ENAH: variants seen among roughly 807,000 people sequenced by gnomAD.
ENAH encodes ENAH actin regulator.
In ENAH, 23 loss-of-function variants were observed where a neutral mutation model predicts 78.7. The observed-to-expected ratio is 0.29, with a 90% CI of 0.21 to 0.41. The LOEUF is 0.41. Ranked by LOEUF, ENAH falls within the 10% of genes least tolerant of loss-of-function variation. The pLI, the probability that ENAH is intolerant of heterozygous loss-of-function variation, is 1.00. For synonymous variants in ENAH, 226 were observed against 241.0 expected (o/e 0.94, Z 0.58); for missense variants, 544 against 691.0 (o/e 0.79, Z 2.39).
At chr1:225,546,634 C>T (rs954726046) in intron 3 of ENAH, among the ~76,000 whole-genome samples, 4 of 152,236 alleles carry the variant, frequency 2.6e-5, no homozygotes, top group East Asian at 1.9e-4. Context: ...GCTAAGGAAG[C>T]GGCTGAAAAT....
chr1:225,615,283 G>A (rs369864954), intron 1 of ENAH, among the ~76,000 whole-genome samples: 1 of 152,352 alleles, frequency 6.6e-6, no homozygotes, highest in South Asian at 2.1e-4. Context: ...GACCGCGAGT[G>A]ATCTGCCTGC....
At chr1:225,561,110 T>C (rs2096702737) in intron 2 of ENAH, among the ~76,000 whole-genome samples, 1 of 151,776 alleles carries the variant, frequency 6.6e-6, no homozygotes, top group Non-Finnish European at 1.5e-5. Context: ...GGTGCGTGCC[T>C]GTAATCCCTG....
chr1:225,503,266 G>A (rs923977021), intron 11 of ENAH, among the ~76,000 whole-genome samples: 2 of 152,142 alleles, frequency 1.3e-5, no homozygotes, highest in South Asian at 4.1e-4. Flanking sequence ...AAAGCAGCAA[G>A]ATAACTGAGC....
chr1:225,514,433 G>C (rs1292131603), intron 7 of ENAH, among the ~76,000 whole-genome samples, 163 bp downstream of exon 7: 1 of 151,976 alleles, frequency 6.6e-6, no homozygotes, highest in Middle Eastern at 3.2e-3. Context: ...CCAAAGTGCA[G>C]GGATTATACA....
At chr1:225,584,700 TG>T (rs1232260319) in intron 1 of ENAH, among the ~76,000 whole-genome samples, 1 of 151,536 alleles carries the variant, frequency 6.6e-6, no homozygotes, top group African/African-American at 2.4e-5. Context: ...AAATAAACAT[TG>T]GTAAGCAACA....
chr1:225,498,328 A>C lies in ENAH; in HGVS notation c.1675+19T>G. The C allele has an allele frequency of 6.4e-7, 1 of 1,569,548 alleles. No individual in the cohort carries two copies. The highest frequency in any genetic ancestry group is 8.7e-7 in the Non-Finnish European group (1 of 1,149,712). ...TAAACATTGTTTTATAGGAATAGTA[A>C]ATTTGTCCAGACACTTACCATCAAT... On this transcript the variant is annotated intron_variant, in intron 13 of 13. Transcript: ENST00000366843.
rs1366032685 is a variant in ENAH at position 225,567,256 on chromosome 1, T to A, written c.164A>T (p.Asp55Val). 5.6e-6 allele frequency: 9 copies of A among 1,613,598 alleles called. No homozygotes were observed. The highest frequency in any genetic ancestry group is 6.8e-6 in the Non-Finnish European group (8 of 1,179,882). ...ATTGTAGTAAAGCCTTACCTGATGGTCCTGAATCTTCCTGCCCACCACTCT... is the reference window on the plus strand; with the variant it reads ...ATTGTAGTAAAGCCTTACCTGATGGACCTGAATCTTCCTGCCCACCACTCT... ...TFRVVGRKIQ[D>V]HQVVINCAIP... The change falls in exon 2 of 14, where the codon GAC becomes GTC. Residue 55 changes from aspartate to valine, a missense_variant. By Grantham distance (152) the Asp-to-Val change is radical (BLOSUM62 -3). Coordinates refer to ENST00000366843, the MANE Select transcript of ENAH (RefSeq NM_018212.6).
intron 10 of ENAH, among the ~76,000 whole-genome samples, chr1:225,510,079 T>C (rs902255410): frequency 2.6e-5 from 4 of 152,194 alleles, no homozygotes; most frequent in Admixed American, 1.3e-4. Flanking sequence ...AGCTGTACCA[T>C]GAGTTTTTTT....
chr1:225,648,551 A>T (rs1161344116), intron 1 of ENAH, among the ~76,000 whole-genome samples: 1 of 152,200 alleles, frequency 6.6e-6, no homozygotes, highest in Admixed American at 6.5e-5. Flanking sequence ...AGATTTATTC[A>T]CTTAGTAAAT....
At chr1:225,560,561 G>A (rs767101333) in intron 2 of ENAH, among the ~76,000 whole-genome samples, 8 of 152,062 alleles carry the variant, frequency 5.3e-5, no homozygotes, top group Non-Finnish European at 1.0e-4. Flanking sequence ...GCACAATCAT[G>A]GGACACGACA....
intron 4 of ENAH, among the ~76,000 whole-genome samples, chr1:225,528,320 G>C (rs549774391): frequency 6.6e-6 from 1 of 152,270 alleles, no homozygotes; most frequent in East Asian, 1.9e-4. Flanking sequence ...AACGTAGAAA[G>C]GATATGAGAA....
chr1:225,564,666 T>C (rs1478050011), intron 2 of ENAH, among the ~76,000 whole-genome samples: 3 of 151,994 alleles, frequency 2.0e-5, no homozygotes, highest in African/African-American at 7.3e-5. Context: ...CTTGAACTCT[T>C]GGGCAAGCAA....
chr1:225,624,226 C>T (rs1246965413), intron 1 of ENAH, among the ~76,000 whole-genome samples: 3 of 151,854 alleles, frequency 2.0e-5, no homozygotes, highest in Admixed American at 1.3e-4. Context: ...TTGCTTAAGG[C>T]CAGGAGTTCA....
At chr1:225,544,071 C>CAGA (rs2096601934) in intron 3 of ENAH, among the ~76,000 whole-genome samples, 1 of 152,180 alleles carries the variant, frequency 6.6e-6, no homozygotes, top group Admixed American at 6.5e-5. Flanking sequence ...TGTGAATGGT[C>CAGA]TCATCAGAGT....
intron 2 of ENAH, among the ~76,000 whole-genome samples, chr1:225,565,747 C>A (rs1310812866): frequency 6.6e-6 from 1 of 151,970 alleles, no homozygotes; most frequent in East Asian, 1.9e-4. Context: ...AGAACCTGGA[C>A]TACAAATGGG....
intron 2 of ENAH, among the ~76,000 whole-genome samples, chr1:225,561,045 C>G (rs2096701899): frequency 6.6e-6 from 1 of 151,874 alleles, no homozygotes; most frequent in South Asian, 2.1e-4. Context: ...ACCATCCTGG[C>G]CAACATGGTG....
rs750540901 is a variant in ENAH, at chr1:225,496,236, A to G, written c.*1539T>C. 6.6e-6 allele frequency: 1 copy of G among 152,426 alleles called. No individual in the cohort carries two copies. Among genetic ancestry groups the G allele is most frequent in the Non-Finnish European group, 1.5e-5 (1 of 68,034 alleles). The allele number at this position is 152,426 out of a possible 1,614,324, so 9.4% of individuals were successfully genotyped here. A position where few individuals can be genotyped will look rare whatever the true frequency, so the allele number is the denominator to read the frequency against. ...CCTATTTTAACCTTACCAGTTTCAAAGGAAAGAAAAGGGAGTGGCTTCCAT... is the reference window on the plus strand; with the variant it reads ...CCTATTTTAACCTTACCAGTTTCAAGGGAAAGAAAAGGGAGTGGCTTCCAT... On this transcript the variant is annotated 3_prime_UTR_variant, in exon 14 of 14. Transcript: ENST00000366843.
chr1:225,620,586 T>C (rs540053096), intron 1 of ENAH, among the ~76,000 whole-genome samples: 10 of 152,304 alleles, frequency 6.6e-5, no homozygotes, highest in African/African-American at 2.4e-4. Context: ...CTTGGGATAC[T>C]TGATTCATTC....
At chr1:225,564,255 C>T (rs1236278588) in intron 2 of ENAH, among the ~76,000 whole-genome samples, 1 of 151,980 alleles carries the variant, frequency 6.6e-6, no homozygotes, top group Non-Finnish European at 1.5e-5. Context: ...GCTGGGACTA[C>T]AGGCACACAC....
Sources: allele counts gnomAD v4.1 joint callset (sites outside exome capture counted in the v4.1 genomes callset), GRCh38; gene constraint gnomAD v4.1.1; transcripts MANE v1.5; gene names NCBI Gene and HGNC (gene_info 2026-07-23, HGNC 2026-07-21).